MCM3AP: variants seen among roughly 807,000 people sequenced by gnomAD.
The protein encoded by MCM3AP is germinal-center associated nuclear protein.
MCM3AP carries 126 observed loss-of-function variants against 184.1 expected under a neutral mutation model. That is an observed-to-expected ratio of 0.68 (90% confidence interval 0.59 to 0.79). The LOEUF (loss-of-function observed/expected upper bound fraction) is 0.79. Ranked by LOEUF, MCM3AP falls within the 30% of genes least tolerant of loss-of-function variation. The pLI is 0.00. For synonymous variants in MCM3AP, 1,002 were observed against 979.3 expected (o/e 1.02, Z -0.43); for missense variants, 2,496 against 2,479.2 (o/e 1.01, Z -0.14).
Position 46,280,024 on chromosome 21 carries a change from T to G in MCM3AP, c.1636A>C (p.Arg546=). Residue 546 remains arginine (R), a synonymous_variant, in exon 4 of 28, where the codon AGG becomes CGG. Coordinates refer to ENST00000291688, the MANE Select transcript of MCM3AP (RefSeq NM_003906.5). ...TTCAGGAGGCTGCTAGCACCAGTCC[T>G]CCCTGCGGCCTTGCCAAGAGGAGAG... is the stretch of plus-strand genomic sequence containing the variant. The part of the protein sequence containing the change: ...QHSPLGKAAG[R]TGASSLLNKS... The G allele has an allele frequency of 6.2e-7, 1 of 1,613,948 alleles. No individual in the cohort carries two copies. The highest frequency in any genetic ancestry group is 8.5e-7 in the Non-Finnish European group (1 of 1,179,950).
intron 25 of MCM3AP, 76 bp downstream of exon 25, chr21:46,242,726 G>A: frequency 6.8e-7 from 1 of 1,460,982 alleles, no homozygotes; most frequent in East Asian, 2.3e-5. Flanking sequence ...TGGCATGTAG[G>A]ATGTTAATTT....
At chr21:46,249,323 A>G (rs1287130362) in intron 20 of MCM3AP, among the ~76,000 whole-genome samples, 3 of 152,096 alleles carry the variant, frequency 2.0e-5, no homozygotes, top group Admixed American at 1.3e-4. Context: ...AAGCTACTAG[A>G]ACTACAGGCA....
Position 46,258,977 on chromosome 21 carries a change from G to T in MCM3AP, c.3696C>A (p.Thr1232=). ...TGCAGAAGCACTGAAGCTCCTGGAG[G>T]GTCTCCTTTGCAGTCTGGAAGATTT... ...VEEIFQTAKE[T]LQELQCFCKY... The change falls in exon 16 of 28, where the codon ACC becomes ACA. Residue 1232 remains threonine, a synonymous_variant. Coordinates refer to ENST00000291688, the MANE Select transcript of MCM3AP (RefSeq NM_003906.5). 1 of 1,614,062 alleles carries T rather than the reference G, an allele frequency of 6.2e-7. No individual in the cohort carries two copies. The highest frequency in any genetic ancestry group is 2.2e-5 in the East Asian group (1 of 44,880).
chr21:46,282,603 G>A (rs1480236134), intron 2 of MCM3AP, among the ~76,000 whole-genome samples: 2 of 152,094 alleles, frequency 1.3e-5, no homozygotes, highest in East Asian at 3.9e-4. Flanking sequence ...AGGAGATCGA[G>A]ACCATCCTGG....
At chr21:46,268,603 C>A (rs1372814003) in intron 9 of MCM3AP, among the ~76,000 whole-genome samples, 1 of 152,202 alleles carries the variant, frequency 6.6e-6, no homozygotes, top group Non-Finnish European at 1.5e-5. Context: ...TGCGGCTCTG[C>A]GAGTGTGGAA....
chr21:46,252,400 G>A (rs1271343096), intron 19 of MCM3AP: 1 of 152,154 alleles, frequency 6.6e-6, no homozygotes, highest in African/African-American at 2.4e-5. Context: ...TTTAAGAAAT[G>A]ACTCACCAGC....
chr21:46,245,185 C>G lies in MCM3AP; in HGVS notation c.4660G>C (p.Val1554Leu). 1.2e-6 allele frequency: 2 copies of G among 1,600,154 alleles called. No homozygotes were observed. The highest frequency in any genetic ancestry group is 1.7e-6 in the Non-Finnish European group (2 of 1,174,816). The part of the protein sequence containing the change: ...LQGSTKVLQA[V>L]QWLVSHCPHS... ...GGGCAGTGGGAAACCAGCCACTGCA[C>G]TGCTTGCAAAACCTGAGAAGAAAGA... The change falls in exon 23 of 28, where the codon GTG (valine) becomes CTG (leucine). Residue 1554 changes from valine (V) to leucine (L), a missense_variant. By Grantham distance (32) the Val-to-Leu change is conservative (BLOSUM62 1). This residue lies in a region of MCM3AP where 1,323 missense variants were observed against 1,273.4 expected (regional missense o/e 1.04). Transcript: ENST00000291688.
Position 46,246,673 on chromosome 21 carries a change from C to T in MCM3AP, c.4504G>A (p.Val1502Met), listed in dbSNP as rs977727380. 4.3e-6 allele frequency: 7 copies of T among 1,613,964 alleles called. No individual in the cohort carries two copies. The highest frequency in any genetic ancestry group is 5.1e-6 in the Non-Finnish European group (6 of 1,179,902). The change falls in exon 21 of 28, where the codon GTG (valine) becomes ATG (methionine). Residue 1502 changes from valine (V) to methionine (M), a missense_variant. By Grantham distance (21) the Val-to-Met change is conservative. Around this residue, in one of 5 missense-constraint regions of MCM3AP, gnomAD observed 1,323 missense variants for 1,273.4 expected, o/e 1.04. Transcript: ENST00000291688. ...ACGGCGTCCCCTCCTGGGCTAGGCACAAGAACCACCAGAGGAAGCGCAGGC... is the reference window on the plus strand; with the variant it reads ...ACGGCGTCCCCTCCTGGGCTAGGCATAAGAACCACCAGAGGAAGCGCAGGC... ...FQPALPLVVLVPSPGGDAVEK... is the reference protein window; with the variant it reads ...FQPALPLVVLMPSPGGDAVEK...
chr21:46,256,894 A>G lies in MCM3AP; in HGVS notation c.3827T>C (p.Leu1276Pro), dbSNP rs755913584. Reference sequence around the variant, plus strand: ...CTCTGCGCTGGGCGCCAGCGCCCTCAGCCGGTCGCTCACGTCCACGCAGCA... The same window carrying G: ...CTCTGCGCTGGGCGCCAGCGCCCTCGGCCGGTCGCTCACGTCCACGCAGCA... Reference protein sequence around the residue: ...APCCVDVSDRLRALAPSAECP... With the variant: ...APCCVDVSDRPRALAPSAECP... Residue 1276 changes from leucine to proline, a missense_variant, in exon 17 of 28, where the codon CTG becomes CCG. Leu to Pro is a moderately conservative substitution (Grantham distance 98). Around this residue, in one of 5 missense-constraint regions of MCM3AP, gnomAD observed 1,323 missense variants for 1,273.4 expected, o/e 1.04. Coordinates refer to ENST00000291688, the MANE Select transcript of MCM3AP (RefSeq NM_003906.5). The G allele has an allele frequency of 5.0e-6, 8 of 1,605,890 alleles. No individual in the cohort carries two copies. The East Asian group carries it at 1.6e-4, about 31-fold the overall frequency.
At chr21:46,266,653 C>T (rs1031746165) in intron 10 of MCM3AP, 8 of 318,286 alleles carry the variant, frequency 2.5e-5, no homozygotes, top group Admixed American at 2.3e-4. Flanking sequence ...CCATCCCAGC[C>T]GTCAGAGGTT....
intron 15 of MCM3AP, chr21:46,259,369 T>TGAC (rs1039156813): frequency 8.3e-6 from 2 of 242,102 alleles, no homozygotes; most frequent in African/African-American, 4.7e-5. Flanking sequence ...AGCAGGAGAA[T>TGAC]GACGTGAAGC....
At position 46,277,733 on chromosome 21, in the gene MCM3AP, C is replaced by T. The variant is rs2081274104; in HGVS notation, c.1668-16G>A. 1 of 1,512,364 alleles carries T rather than the reference C, an allele frequency of 6.6e-7. No homozygotes were observed. Among genetic ancestry groups the T allele is most frequent in the Non-Finnish European group, 8.9e-7 (1 of 1,122,020 alleles). The allele number at this position is 1,512,364 out of a possible 1,614,324, so 93.7% of individuals were successfully genotyped here. ...CACTGGAGAGCTATAAAGTAAACACCACACTGAGGGCCCTCGTCCCAGGAA... is the reference window on the plus strand; with the variant it reads ...CACTGGAGAGCTATAAAGTAAACACTACACTGAGGGCCCTCGTCCCAGGAA... On this transcript the variant is annotated splice_polypyrimidine_tract_variant and intron_variant, in intron 4 of 27. Transcript: ENST00000291688.
intron 23 of MCM3AP, 96 bp downstream of exon 23, chr21:46,244,711 T>G (rs553244858): frequency 6.6e-5 from 89 of 1,352,102 alleles, no homozygotes; most frequent in Admixed American, 2.2e-4. Context: ...GCCCTCACAC[T>G]GGTGCCCAAC....
rs779572519 is a variant in MCM3AP at position 46,254,428 on chromosome 21, G to A, written c.4100C>T (p.Pro1367Leu). ...CTCTGGGGACTGCTCCTCTACATCC[G>A]GCAACACCAGCACCAGCTTCCAAAA... is the stretch of plus-strand genomic sequence containing the variant. ...HVFWKLVLVL[P>L]DVEEQSPESC... is the part of the protein sequence containing the mutation. Residue 1367 changes from proline to leucine, a missense_variant, in exon 19 of 28, where the codon CCG (proline) becomes CTG (leucine). This residue lies in a region of MCM3AP where 1,323 missense variants were observed against 1,273.4 expected (regional missense o/e 1.04). Coordinates refer to ENST00000291688, the MANE Select transcript of MCM3AP (RefSeq NM_003906.5). The A allele has an allele frequency of 3.9e-5, 63 of 1,614,108 alleles. No individual in the cohort carries two copies. Among genetic ancestry groups the A allele is most frequent in the Admixed American group, 8.3e-5 (5 of 60,016 alleles).
At chr21:46,251,223 C>A (rs17183151) in intron 20 of MCM3AP, 9,719 of 204,318 alleles carry the variant, frequency 0.048, 331 homozygotes, top group Non-Finnish European at 0.067. Flanking sequence ...CATCTTTATA[C>A]TTCTTTTACA....
chr21:46,283,553 AC>A (rs2081359550), intron 2 of MCM3AP, 61 bp downstream of exon 2: 12 of 1,190,740 alleles, frequency 1.0e-5, no homozygotes, highest in Non-Finnish European at 1.5e-5. Flanking sequence ...AAAAAAAAAA[AC>A]AGGTTTTAAA....
At chr21:46,246,237 A>G in intron 22 of MCM3AP, 70 bp downstream of exon 22, 1 of 919,356 alleles carries the variant, frequency 1.1e-6, no homozygotes, top group Non-Finnish European at 1.8e-6. Context: ...ATATACACTC[A>G]ATTCAAGATA....
rs538295319 is a variant in MCM3AP at position 46,261,539 on chromosome 21, T to C, written c.3336-128A>G. 388 of 791,932 alleles carry C rather than the reference T, an allele frequency of 4.9e-4. No individual in the cohort carries two copies. The East Asian group carries it at 6.2e-3, about 13-fold the overall frequency. The allele number at this position is 791,932 out of a possible 1,614,324, so 49.1% of individuals were successfully genotyped here. A position where few individuals can be genotyped will look rare whatever the true frequency, so the allele number is the denominator to read the frequency against. ...CACAAGGTCAGAAGATCAAGACCAT[T>C]CTGGCCAACACAGTGAAACCCCATC... On this transcript the variant is annotated intron_variant, in intron 13 of 27. Coordinates refer to ENST00000291688, the MANE Select transcript of MCM3AP (RefSeq NM_003906.5).
chr21:46,243,004 C>CAA, intron 24 of MCM3AP, 73 bp from the exon 25 acceptor site: 2 of 1,232,148 alleles, frequency 1.6e-6, no homozygotes, highest in South Asian at 1.6e-5. Flanking sequence ...AAAAAACACA[C>CAA]ACAAAAAAAC....
Sources: gnomAD v4.1 joint callset for allele counts (sites outside exome capture counted in the v4.1 genomes callset) on GRCh38, gnomAD v4.1.1 for gene constraint, gnomAD v4.1.1 regional missense constraint, MANE v1.5 for transcripts, NCBI Gene and HGNC (gene_info 2026-07-23, HGNC 2026-07-21) for gene names.